The following NRXN1 variants were observed in gnomAD, a reference collection of about 807,000 sequenced individuals.
NRXN1 encodes neurexin 1.
In NRXN1, 39 loss-of-function variants were observed where a neutral mutation model predicts 150.9. The ratio of observed to expected loss-of-function variants is 0.26; its 90% CI spans 0.20 to 0.34. NRXN1 has a LOEUF of 0.34. NRXN1 is among the 10% of genes least tolerant of loss of function. The pLI is 1.00. For synonymous variants in NRXN1, 924 were observed against 757.0 expected (o/e 1.22, Z -3.62); for missense variants, 1,815 against 1,949.9 (o/e 0.93, Z 1.30).
chr2:50,912,624 T>C (rs1335607737), intron 5 of NRXN1, among the ~76,000 whole-genome samples: 1 of 151,456 alleles, frequency 6.6e-6, no homozygotes, highest in Non-Finnish European at 1.5e-5. Context: ...GGTAGAACAA[T>C]AGTAATGATC....
intron 17 of NRXN1, among the ~76,000 whole-genome samples, chr2:50,367,015 T>C (rs560398095): frequency 6.6e-6 from 1 of 152,088 alleles, no homozygotes; most frequent in Admixed American, 6.6e-5. Context: ...GATGGGTGAG[T>C]ACGCCAGCTG....
chr2:50,604,950 C>G (rs1676855519), intron 8 of NRXN1, among the ~76,000 whole-genome samples: 1 of 152,164 alleles, frequency 6.6e-6, no homozygotes, highest in African/African-American at 2.4e-5. Context: ...TGAGTATTTC[C>G]TCAATTCTCC....
chr2:50,502,249 G>T (rs1259735784), intron 13 of NRXN1, among the ~76,000 whole-genome samples: 1 of 149,626 alleles, frequency 6.7e-6, no homozygotes, highest in Non-Finnish European at 1.5e-5. Context: ...GAAGGAAGGA[G>T]GGAAAAAATA....
At chr2:50,661,863 G>A (rs1352789127) in intron 5 of NRXN1, among the ~76,000 whole-genome samples, 2 of 152,110 alleles carry the variant, frequency 1.3e-5, no homozygotes, top group East Asian at 3.9e-4. Context: ...CCCCAGGCAG[G>A]CCTGTTGTTA....
chr2:50,813,905 TCTTA>T (rs1668567609), intron 5 of NRXN1, among the ~76,000 whole-genome samples: 1 of 152,014 alleles, frequency 6.6e-6, no homozygotes, highest in East Asian at 1.9e-4. Flanking sequence ...CATCTTCTGA[TCTTA>T]CTAATATATT....
intron 18 of NRXN1, among the ~76,000 whole-genome samples, chr2:50,197,804 T>C (rs367951404): frequency 7.2e-5 from 11 of 152,178 alleles, no homozygotes; most frequent in African/African-American, 2.4e-4. Context: ...TCACAGCTAC[T>C]TGACACCTAC....
intron 18 of NRXN1, among the ~76,000 whole-genome samples, chr2:50,202,931 A>G (rs1436754556): frequency 1.3e-5 from 2 of 152,150 alleles, no homozygotes; most frequent in African/African-American, 4.8e-5. Flanking sequence ...TGGAAAAAGT[A>G]AACAGTGAAA....
In NRXN1 at chr2:50,258,945, A is replaced by T. The variant is rs75628815; in HGVS notation, c.3365-21975T>A. Among the ~76,000 whole-genome samples, 272 of 152,208 alleles carry T rather than the reference A, an allele frequency of 1.8e-3. 1 individual carries two copies. The highest frequency in any genetic ancestry group is 6.3e-3 in the African/African-American group (263 of 41,582). ...TCTCAATATTGGGCTCAAAGTGTTCAGTAAATCATGCTGTAAACAGCATGT... is the reference window on the plus strand; with the variant it reads ...TCTCAATATTGGGCTCAAAGTGTTCTGTAAATCATGCTGTAAACAGCATGT... On this transcript the variant is annotated intron_variant, in intron 17 of 22. Coordinates refer to ENST00000401669, the MANE Select transcript of NRXN1 (RefSeq NM_001330078.2).
intron 5 of NRXN1, among the ~76,000 whole-genome samples, chr2:50,807,607 T>A (rs1007453943): frequency 6.6e-6 from 1 of 152,030 alleles, no homozygotes; most frequent in Admixed American, 6.6e-5. Flanking sequence ...ACACAAATAA[T>A]CCCTCCAGAG....
At chr2:50,350,775 GA>G (rs1169605365) in intron 17 of NRXN1, among the ~76,000 whole-genome samples, 5 of 152,134 alleles carry the variant, frequency 3.3e-5, no homozygotes, top group Non-Finnish European at 5.9e-5. Flanking sequence ...GGCCTTGGGA[GA>G]TAAAGGCAGG....
intron 21 of NRXN1, among the ~76,000 whole-genome samples, chr2:50,018,215 C>T (rs1686966362): frequency 1.3e-5 from 2 of 152,250 alleles, no homozygotes; most frequent in Middle Eastern, 3.4e-3. Context: ...CATAAAGCAC[C>T]TCTAGCATAT....
At chr2:50,466,469 T>A (rs1489549954) in intron 16 of NRXN1, 1 of 473,378 alleles carries the variant, frequency 2.1e-6, no homozygotes, top group Non-Finnish European at 4.4e-6. Flanking sequence ...ACCTTGCAAG[T>A]CAGCTTTCAT....
chr2:50,633,970 G>A (rs1682815149), intron 5 of NRXN1, among the ~76,000 whole-genome samples: 1 of 152,140 alleles, frequency 6.6e-6, no homozygotes, highest in Non-Finnish European at 1.5e-5. Flanking sequence ...TCTTAATGCT[G>A]AGGAACCACT....
chr2:50,467,704 A>G (rs2089044419), intron 16 of NRXN1, among the ~76,000 whole-genome samples: 1 of 151,442 alleles, frequency 6.6e-6, no homozygotes, highest in Non-Finnish European at 1.5e-5. Flanking sequence ...TAAAACAAAA[A>G]TAGTAGTTTA....
At chr2:50,006,920 G>A (rs536642535) in intron 21 of NRXN1, among the ~76,000 whole-genome samples, 2 of 152,216 alleles carry the variant, frequency 1.3e-5, no homozygotes, top group Admixed American at 6.5e-5. Flanking sequence ...AGGCTATCTC[G>A]AAGATGAAAA....
chr2:50,140,301 A>T (rs930301203), intron 18 of NRXN1, among the ~76,000 whole-genome samples: 15 of 152,134 alleles, frequency 9.9e-5, no homozygotes, highest in African/African-American at 3.6e-4. Context: ...AGACTTGCTG[A>T]TTTAAACCTC....
At chr2:50,861,373 C>T (rs570351050) in intron 5 of NRXN1, among the ~76,000 whole-genome samples, 1 of 152,182 alleles carries the variant, frequency 6.6e-6, no homozygotes, top group Non-Finnish European at 1.5e-5. Context: ...CCACCACACC[C>T]AGCTGCCGTA....
At chr2:50,969,369 C>A (rs1026288851) in intron 2 of NRXN1, among the ~76,000 whole-genome samples, 1 of 152,068 alleles carries the variant, frequency 6.6e-6, no homozygotes, top group Non-Finnish European at 1.5e-5. Flanking sequence ...ATTTTCTCAT[C>A]TTTGTATCTC....
At position 51,027,772 on chromosome 2, in the gene NRXN1, T is replaced by G. The variant is rs1192070248; in HGVS notation, c.502A>C (p.Lys168Gln). ...TCCCTCACCGAGGCCAGGGTGAGCTTGAGCGCCGCGGCGCGCAGTTCCGGG... is the reference window on the plus strand; with the variant it reads ...TCCCTCACCGAGGCCAGGGTGAGCTGGAGCGCCGCGGCGCGCAGTTCCGGG... ...LPPELRAAAL[K>Q]LTLASVRERE... Residue 168 changes from lysine (K) to glutamine (Q), a missense_variant, in exon 2 of 23, where the codon AAG becomes CAG. By Grantham distance (53) the Lys-to-Gln change is moderately conservative. Transcript: ENST00000401669. The G allele has an allele frequency of 6.2e-7, 1 of 1,612,496 alleles. No homozygotes were observed. Among genetic ancestry groups the G allele is most frequent in the South Asian group, 1.1e-5 (1 of 90,848 alleles).
Sources: allele counts gnomAD v4.1 joint callset (sites outside exome capture counted in the v4.1 genomes callset), GRCh38; gene constraint gnomAD v4.1.1; transcripts MANE v1.5; gene names NCBI Gene and HGNC (gene_info 2026-07-23, HGNC 2026-07-21).